The following PPIP5K2 variants were observed in gnomAD, a reference collection of about 807,000 sequenced individuals.
The protein encoded by PPIP5K2 is inositol hexakisphosphate and diphosphoinositol-pentakisphosphate kinase 2.
PPIP5K2 carries 105 observed loss-of-function variants against 154.6 expected under a neutral mutation model. The ratio of observed to expected loss-of-function variants is 0.68; its 90% CI spans 0.58 to 0.80. The LOEUF (loss-of-function observed/expected upper bound fraction) is 0.80. Among genes scored for constraint, PPIP5K2 ranks in the 30% least tolerant of loss-of-function variants. The pLI, the probability that PPIP5K2 is intolerant of heterozygous loss-of-function variation, is 0.00. For missense variants in PPIP5K2, 992 were observed against 1,504.6 expected, an observed-to-expected ratio of 0.66 and a Z score of 5.64; for synonymous variants, 480 against 490.3, an observed-to-expected ratio of 0.98 and a Z score of 0.28.
At chr5:103,133,693 A>G in intron 3 of PPIP5K2, 45 bp downstream of exon 3, 1 of 1,419,086 alleles carries the variant, frequency 7.0e-7, no homozygotes, top group East Asian at 2.4e-5. Context: ...CTCTCTGTTT[A>G]TAAAACTAAT....
At chr5:103,191,464 A>G (rs925084681) in intron 29 of PPIP5K2, among the ~76,000 whole-genome samples, 5 of 152,060 alleles carry the variant, frequency 3.3e-5, no homozygotes, top group Non-Finnish European at 2.9e-5. Flanking sequence ...CTCAGAAAAC[A>G]TTCTGAAGAG....
chr5:103,142,775 C>CA (rs70990422), intron 5 of PPIP5K2, among the ~76,000 whole-genome samples: 132,765 of 138,248 alleles, frequency 0.96, 63,847 homozygotes, highest in East Asian at 0.99. Flanking sequence ...GACTCCGTCT[C>CA]AAAAAAAAAA....
chr5:103,187,500 C>T, intron 28 of PPIP5K2, 124 bp downstream of exon 28: 1 of 718,600 alleles, frequency 1.4e-6, no homozygotes, highest in Non-Finnish European at 2.2e-6. Context: ...AATTGGCGTA[C>T]AATTCCAACT....
intron 23 of PPIP5K2, 121 bp from the exon 24 acceptor site, chr5:103,179,900 T>A: frequency 2.6e-6 from 2 of 762,810 alleles, no homozygotes; most frequent in Non-Finnish European, 3.9e-6. Flanking sequence ...TGTTAATTCA[T>A]CTGAGTAAAC....
In PPIP5K2 at chr5:103,120,348, G is replaced by A. The variant is rs547262312; in HGVS notation, c.-425G>A. On this transcript the variant is annotated 5_prime_UTR_variant, in exon 1 of 31. Coordinates refer to ENST00000358359, the MANE Select transcript of PPIP5K2 (RefSeq NM_001276277.3). ...TGTGGCCCTATAGCTGTTACTGAAG[G>A]AAGTAGCCTACGTCCACGCCTACAA... 2 of 453,398 alleles carry A rather than the reference G, an allele frequency of 4.4e-6. No homozygotes were observed. The highest frequency in any genetic ancestry group is 4.7e-5 in the Admixed American group (2 of 42,406). 28.1% of individuals were successfully genotyped at this position (453,398 alleles called of 1,614,324 possible).
chr5:103,130,537 A>G (rs1169456739), intron 2 of PPIP5K2, among the ~76,000 whole-genome samples: 1 of 152,192 alleles, frequency 6.6e-6, no homozygotes, highest in South Asian at 2.1e-4. Flanking sequence ...CCCTTTTTAT[A>G]TTAACAATAT....
chr5:103,178,042 A>G (rs781833348), intron 23 of PPIP5K2, 62 bp downstream of exon 23: 118 of 1,055,518 alleles, frequency 1.1e-4, no homozygotes, highest in East Asian at 2.1e-4. Context: ...TGAGGTTTCT[A>G]TAAGAGATTT....
Position 103,205,671 on chromosome 5 carries a change from T to A in PPIP5K2, c.*4037T>A, listed in dbSNP as rs1438443917. The A allele has an allele frequency of 6.6e-6, 1 of 152,236 alleles. No homozygotes were observed. The highest frequency in any genetic ancestry group is 1.5e-5 in the Non-Finnish European group (1 of 68,044). 9.4% of individuals were successfully genotyped at this position (152,236 alleles called of 1,614,324 possible). ...AGGGATCACTGTCAATTTCTCCTTT[T>A]ATTATCAATGGTTTTTACTTTACTT... is the stretch of plus-strand genomic sequence containing the variant. On this transcript the variant is annotated 3_prime_UTR_variant, in exon 31 of 31. Transcript: ENST00000358359.
intron 17 of PPIP5K2, 130 bp downstream of exon 17, chr5:103,159,458 GA>G: frequency 1.2e-6 from 1 of 805,642 alleles, no homozygotes; most frequent in Non-Finnish European, 1.7e-6. Context: ...TCCAGGTAAA[GA>G]AATAGAACAT....
Position 103,168,229 on chromosome 5 carries a change from G to A in PPIP5K2, c.2220G>A (p.Leu740=). The A allele has an allele frequency of 6.2e-7, 1 of 1,610,134 alleles. No homozygotes were observed. Among genetic ancestry groups the A allele is most frequent in the Non-Finnish European group, 8.5e-7 (1 of 1,177,248 alleles). Residue 740 remains leucine (L), a synonymous_variant, in exon 19 of 31, where the codon TTG becomes TTA. Transcript: ENST00000358359. The part of the protein sequence containing the change: ...IKYDVQHNGS[L]KLENTMELYR... ...ATGATGTCCAGCATAATGGTTCCTT[G>A]AAATTAGAAAACACAATGGAATTAT...
At chr5:103,199,566 G>C (rs775719714) in intron 30 of PPIP5K2, among the ~76,000 whole-genome samples, 9 of 150,856 alleles carry the variant, frequency 6.0e-5, no homozygotes, top group Non-Finnish European at 1.2e-4. Flanking sequence ...TGCTTTCAAT[G>C]TTTTCTCTTT....
chr5:103,147,020 A>C (rs1001736310), intron 6 of PPIP5K2, among the ~76,000 whole-genome samples: 3 of 151,934 alleles, frequency 2.0e-5, no homozygotes, highest in Non-Finnish European at 4.4e-5. Context: ...AGAAAAAGTA[A>C]CACTAATAAC....
At chr5:103,177,103 T>C (rs563545292) in intron 21 of PPIP5K2, among the ~76,000 whole-genome samples, 1 of 152,030 alleles carries the variant, frequency 6.6e-6, no homozygotes, top group East Asian at 1.9e-4. Context: ...CTTTGGAACC[T>C]GACAAAGTTA....
At position 103,190,946 on chromosome 5, in the gene PPIP5K2, C is replaced by G. The variant is rs1554226739; in HGVS notation, c.3457C>G (p.Pro1153Ala). Residue 1153 changes from proline to alanine, a missense_variant, in exon 29 of 31, where the codon CCA becomes GCA. Coordinates refer to ENST00000358359, the MANE Select transcript of PPIP5K2 (RefSeq NM_001276277.3). The part of the protein sequence containing the change: ...VDEFLASIAS[P>A]SSDVPRKTAE... ...TGAATTTCTTGCTTCCATTGCTTCTCCATCATCTGACGTTCCACGGAAGAC... is the reference window on the plus strand; with the variant it reads ...TGAATTTCTTGCTTCCATTGCTTCTGCATCATCTGACGTTCCACGGAAGAC... The G allele has an allele frequency of 6.2e-7, 1 of 1,609,956 alleles. No homozygotes were observed. Among genetic ancestry groups the G allele is most frequent in the Admixed American group, 1.7e-5 (1 of 59,474 alleles).
At chr5:103,163,475 A>G (rs1176635928) in intron 17 of PPIP5K2, among the ~76,000 whole-genome samples, 1 of 151,942 alleles carries the variant, frequency 6.6e-6, no homozygotes, top group Non-Finnish European at 1.5e-5. Flanking sequence ...CTAATAATTT[A>G]TCTAGATTTG....
intron 9 of PPIP5K2, among the ~76,000 whole-genome samples, chr5:103,152,063 G>A (rs148321648): frequency 1.2e-3 from 189 of 152,034 alleles, no homozygotes; most frequent in South Asian, 4.8e-3. Context: ...GACCAGAAGT[G>A]TTTTGGATTT....
Position 103,204,142 on chromosome 5 carries a change from G to T in PPIP5K2, c.*2508G>T, listed in dbSNP as rs544478202. On this transcript the variant is annotated 3_prime_UTR_variant, in exon 31 of 31. Coordinates refer to ENST00000358359, the MANE Select transcript of PPIP5K2 (RefSeq NM_001276277.3). ...TGGGTTGACTCTGTCTGACCTAAATGTCCACTGTTAACTAGTGCCATGCCA... is the reference window on the plus strand; with the variant it reads ...TGGGTTGACTCTGTCTGACCTAAATTTCCACTGTTAACTAGTGCCATGCCA... 2 of 152,316 alleles carry T rather than the reference G, an allele frequency of 1.3e-5. No homozygotes were observed. Among genetic ancestry groups the T allele is most frequent in the East Asian group, 1.9e-4 (1 of 5,180 alleles). The allele number at this position is 152,316 out of a possible 1,614,324, so 9.4% of individuals were successfully genotyped here.
intron 17 of PPIP5K2, among the ~76,000 whole-genome samples, chr5:103,164,801 T>C (rs1796889442): frequency 6.6e-6 from 1 of 152,142 alleles, no homozygotes; most frequent in African/African-American, 2.4e-5. Context: ...AGAAACTTAC[T>C]TAATGTGGTT....
chr5:103,181,245 A>C (rs770677756), intron 24 of PPIP5K2, among the ~76,000 whole-genome samples: 10 of 151,994 alleles, frequency 6.6e-5, no homozygotes, highest in Admixed American at 1.3e-4. Flanking sequence ...AGTGCTTCTA[A>C]CTGTTTTCTA....
Sources: gnomAD v4.1 joint callset for allele counts (sites outside exome capture counted in the v4.1 genomes callset) on GRCh38, gnomAD v4.1.1 for gene constraint, MANE v1.5 for transcripts, NCBI Gene and HGNC (gene_info 2026-07-23, HGNC 2026-07-21) for gene names.